ADAMTS2: variants seen among roughly 807,000 people sequenced by gnomAD.
The protein encoded by ADAMTS2 is ADAM metallopeptidase with thrombospondin type 1 motif 2.
ADAMTS2 carries 50 observed loss-of-function variants against 123.0 expected under a neutral mutation model. The ratio of observed to expected loss-of-function variants is 0.41; its 90% CI spans 0.32 to 0.51. ADAMTS2 has a LOEUF of 0.51. ADAMTS2 is among the 20% of genes least tolerant of loss of function. The pLI is 0.35. For missense variants in ADAMTS2, 1,494 were observed against 1,705.2 expected, an observed-to-expected ratio of 0.88 and a Z score of 2.18; for synonymous variants, 678 against 695.4, an observed-to-expected ratio of 0.98 and a Z score of 0.39.
At position 179,189,001 on chromosome 5, in the gene ADAMTS2, G is replaced by A. The variant is rs1480602756; in HGVS notation, c.892-7846C>T. Among the ~76,000 whole-genome samples the A allele has an allele frequency of 6.6e-6, 1 of 152,128 alleles. No individual in the cohort carries two copies. The highest frequency in any genetic ancestry group is 2.1e-4 in the South Asian group (1 of 4,830). On this transcript the variant is annotated intron_variant, in intron 4 of 21. Coordinates refer to ENST00000251582, the MANE Select transcript of ADAMTS2 (RefSeq NM_014244.5). The surrounding 1 kb of genome is among the most constrained non-coding windows in gnomAD (Gnocchi z 4.2). The stretch of plus-strand genomic sequence containing the variant: ...TTGGGGGGTTAGCAGAGTGTGGGGG[G>A]GATATTCCCACTCTGAGGTCAGATT...
rs1003623779 is a variant in ADAMTS2 at position 179,188,910 on chromosome 5, G to T, written c.892-7755C>A. 6.6e-6 allele frequency among the ~76,000 whole-genome samples: 1 copy of T among 152,130 alleles called. No individual in the cohort carries two copies. The highest frequency in any genetic ancestry group is 2.1e-4 in the South Asian group (1 of 4,822). ...AGCAGGCACGTTGAGAAGACAGGTC[G>T]CATTACAAACCTTCCCGGGTTTGTA... is the stretch of plus-strand genomic sequence containing the variant. On this transcript the variant is annotated intron_variant, in intron 4 of 21. Coordinates refer to ENST00000251582, the MANE Select transcript of ADAMTS2 (RefSeq NM_014244.5). This position sits in a 1 kb window ranked among gnomAD's most constrained non-coding sequence, Gnocchi z 5.1.
chr5:179,133,894 T>C (rs1763008688), intron 13 of ADAMTS2, among the ~76,000 whole-genome samples: 1 of 150,990 alleles, frequency 6.6e-6, no homozygotes, highest in South Asian at 2.1e-4. Flanking sequence ...GTATTTTTAG[T>C]AGAGACGGGG....
rs552355292 is a variant in ADAMTS2, at chr5:179,256,642, G to T, written c.688+16269C>A. 1.2e-3 allele frequency among the ~76,000 whole-genome samples: 180 copies of T among 150,326 alleles called. 2 individuals are homozygous for T. The highest frequency in any genetic ancestry group is 0.011 in the South Asian group (54 of 4,820). ...CCAGGCAGGCGGGGCCAGCATGAGT[G>T]GGGGGGCCAGGCACGAATCGGCAGG... On this transcript the variant is annotated intron_variant, in intron 3 of 21. Transcript: ENST00000251582. The surrounding 1 kb of genome is among the most constrained non-coding windows in gnomAD (Gnocchi z 4.1).
intron 3 of ADAMTS2, among the ~76,000 whole-genome samples, chr5:179,245,860 A>C (rs1008369831): frequency 1.3e-4 from 20 of 151,356 alleles, no homozygotes; most frequent in African/African-American, 4.6e-4. Flanking sequence ...TATAGCTCAC[A>C]GGAATTAAGT....
rs1763062506 is a variant in ADAMTS2 at position 179,136,033 on chromosome 5, C to G, written c.1961G>C (p.Arg654Thr). 1.2e-6 allele frequency: 2 copies of G among 1,613,390 alleles called. No homozygotes were observed. Among genetic ancestry groups the G allele is most frequent in the Non-Finnish European group, 1.7e-6 (2 of 1,180,020 alleles). The part of the protein sequence containing the change: ...LPHEHRDAKE[R>T]CHLYCESRET... ...CCTGGACTCGCAGTACAGGTGGCAT[C>G]TCTCCTTGGCTGGAAGGGAAGCAGC... The change falls in exon 13 of 22, where the codon AGA becomes ACA. Residue 654 changes from arginine (R) to threonine (T), a missense_variant. Coordinates refer to ENST00000251582, the MANE Select transcript of ADAMTS2 (RefSeq NM_014244.5).
intron 4 of ADAMTS2, among the ~76,000 whole-genome samples, chr5:179,203,100 G>C (rs1283060750): frequency 6.6e-6 from 1 of 152,220 alleles, no homozygotes; most frequent in Non-Finnish European, 1.5e-5. Flanking sequence ...AACTGAGGCA[G>C]TGCAGGGCTG....
At chr5:179,138,809 T>G (rs1173643642) in intron 11 of ADAMTS2, among the ~76,000 whole-genome samples, 3 of 151,998 alleles carry the variant, frequency 2.0e-5, no homozygotes, top group African/African-American at 7.2e-5. Flanking sequence ...CTCCGCAGGG[T>G]CCAGCTCGGG....
intron 3 of ADAMTS2, among the ~76,000 whole-genome samples, chr5:179,241,209 G>A (rs538254160): frequency 8.5e-5 from 13 of 152,174 alleles, no homozygotes; most frequent in African/African-American, 2.4e-4. Flanking sequence ...GCCTTGTTTC[G>A]GGTGGAGGAA....
In ADAMTS2 at chr5:179,303,451, G is replaced by T. The variant is rs1385526157; in HGVS notation, c.535-30387C>A. Among the ~76,000 whole-genome samples the T allele has an allele frequency of 6.6e-6, 1 of 152,110 alleles. No homozygotes were observed. Among genetic ancestry groups the T allele is most frequent in the South Asian group, 2.1e-4 (1 of 4,822 alleles). ...TTGGGGAAGAAGACTAGAATGTGAG[G>T]TTCAGCAAACCCGCAGAGTTTACTC... On this transcript the variant is annotated intron_variant, in intron 2 of 21. Coordinates refer to ENST00000251582, the MANE Select transcript of ADAMTS2 (RefSeq NM_014244.5). The surrounding 1 kb of genome is among the most constrained non-coding windows in gnomAD (Gnocchi z 4.7).
chr5:179,279,380 G>C (rs937007571), intron 2 of ADAMTS2, among the ~76,000 whole-genome samples: 2 of 152,164 alleles, frequency 1.3e-5, no homozygotes, highest in Non-Finnish European at 2.9e-5. Flanking sequence ...CCAGATGCTG[G>C]CATCTGCTAA....
At chr5:179,315,206 C>T (rs931091018) in intron 2 of ADAMTS2, among the ~76,000 whole-genome samples, 1 of 150,308 alleles carries the variant, frequency 6.7e-6, no homozygotes, top group African/African-American at 2.5e-5. Flanking sequence ...CCAAGACACG[C>T]GTCCACGTCG....
intron 10 of ADAMTS2, among the ~76,000 whole-genome samples, chr5:179,145,034 G>T (rs892659311): frequency 6.6e-6 from 1 of 151,918 alleles, no homozygotes; most frequent in Admixed American, 6.6e-5. Context: ...AAAACTCTTA[G>T]GATTCAATAA....
chr5:179,141,908 C>T (rs759013530), intron 10 of ADAMTS2, among the ~76,000 whole-genome samples: 2 of 152,124 alleles, frequency 1.3e-5, no homozygotes, highest in Admixed American at 6.6e-5. Flanking sequence ...ATAGCCCCTC[C>T]CCAGATTGCT....
At chr5:179,164,224 G>A (rs796298877) in intron 5 of ADAMTS2, among the ~76,000 whole-genome samples, 20 of 152,366 alleles carry the variant, frequency 1.3e-4, no homozygotes, top group African/African-American at 4.3e-4. Context: ...GAGCCCAGGG[G>A]CAGAGATCTT....
At chr5:179,286,239 A>AAAT (rs1756016356) in intron 2 of ADAMTS2, among the ~76,000 whole-genome samples, 2 of 133,248 alleles carry the variant, frequency 1.5e-5, no homozygotes, top group Non-Finnish European at 3.3e-5. Flanking sequence ...AAAAAAAAAA[A>AAAT]GACCCTGTCG....
At chr5:179,336,744 A>G (rs28379004) in intron 2 of ADAMTS2, among the ~76,000 whole-genome samples, 5,357 of 152,206 alleles carry the variant, frequency 0.035, 338 homozygotes, top group African/African-American at 0.12. Context: ...ATCTTTTGCT[A>G]TTGGAGGAAC....
In ADAMTS2 at chr5:179,314,061, CG is replaced by C. The variant is rs72538523; in HGVS notation, c.534+29705del. Among the ~76,000 whole-genome samples the C allele has an allele frequency of 0.25, 34,398 of 140,180 alleles. 5,390 individuals carry two copies. Among genetic ancestry groups the C allele is most frequent in the South Asian group, 0.31 (1,400 of 4,512 alleles). The allele number at this position is 140,180 out of a possible 152,430, so 92.0% of individuals were successfully genotyped here. A position where few individuals can be genotyped will look rare whatever the true frequency, so the allele number is the denominator to read the frequency against. On this transcript the variant is annotated intron_variant, in intron 2 of 21. Coordinates refer to ENST00000251582, the MANE Select transcript of ADAMTS2 (RefSeq NM_014244.5). The surrounding 1 kb of genome is among the most constrained non-coding windows in gnomAD (Gnocchi z 4.5). ...TCCCAGGCAGAACCTGATGGTGGGG[CG>C]GGGGGGTTCCTCACACACCCCACAC...
chr5:179,338,213 C>T (rs1033693764), intron 2 of ADAMTS2, among the ~76,000 whole-genome samples: 5 of 152,180 alleles, frequency 3.3e-5, no homozygotes, highest in African/African-American at 9.6e-5. Flanking sequence ...GGCTGGGAGC[C>T]GGCTCCACTC....
In ADAMTS2 at chr5:179,130,433, C is replaced by T. The variant is rs146480025; in HGVS notation, c.2291-335G>A. Reference sequence around the variant, plus strand: ...ACTCAGTGGGCGCTTAGAGGCCACCCGGGGCAGGATGGCTGGGAGGGGTCT... The same window carrying T: ...ACTCAGTGGGCGCTTAGAGGCCACCTGGGGCAGGATGGCTGGGAGGGGTCT... On this transcript the variant is annotated intron_variant, in intron 15 of 21. Coordinates refer to ENST00000251582, the MANE Select transcript of ADAMTS2 (RefSeq NM_014244.5). This position sits in a 1 kb window ranked among gnomAD's most constrained non-coding sequence, Gnocchi z 4.3. 6.6e-5 allele frequency among the ~76,000 whole-genome samples: 10 copies of T among 152,346 alleles called. No individual in the cohort carries two copies. Among genetic ancestry groups the T allele is most frequent in the East Asian group, 5.8e-4 (3 of 5,190 alleles).
Sources: allele counts gnomAD v4.1 joint callset (sites outside exome capture counted in the v4.1 genomes callset), GRCh38; gene constraint gnomAD v4.1.1; non-coding constraint Gnocchi (gnomAD v3.1); transcripts MANE v1.5; gene names NCBI Gene and HGNC (gene_info 2026-07-23, HGNC 2026-07-21).